HACD2: variants seen among roughly 807,000 people sequenced by gnomAD.
HACD2 encodes the protein very-long-chain (3R)-3-hydroxyacyl-CoA dehydratase 2.
In HACD2, 15 loss-of-function variants were observed where a neutral mutation model predicts 31.0. That is an observed-to-expected ratio of 0.48 (90% CI 0.32 to 0.75). The LOEUF (loss-of-function observed/expected upper bound fraction) is 0.75, where lower values mean the gene tolerates loss of function less well. Among genes scored for constraint, HACD2 ranks in the 30% least tolerant of loss-of-function variants. The pLI is 0.03. For missense variants in HACD2, 283 were observed against 313.0 expected, an observed-to-expected ratio of 0.90 and a Z score of 0.72; for synonymous variants, 115 against 122.2, an observed-to-expected ratio of 0.94 and a Z score of 0.39.
At chr3:123,513,453 G>A (rs1363164137) in intron 4 of HACD2, among the ~76,000 whole-genome samples, 2 of 152,188 alleles carry the variant, frequency 1.3e-5, no homozygotes, top group Non-Finnish European at 2.9e-5. Flanking sequence ...CACCAGGAGT[G>A]GGAAGGGTAG....
intron 3 of HACD2, among the ~76,000 whole-genome samples, chr3:123,552,552 C>T (rs1297671369): frequency 1.3e-5 from 2 of 152,148 alleles, no homozygotes; most frequent in East Asian, 3.8e-4. Context: ...TACAACTATA[C>T]AAAACCATTT....
rs1300100226 is a variant in HACD2 at position 123,502,553 on chromosome 3, T to G, written c.503+7A>C. ...AAAAGTGAGCCTTTTGAAATGTGCT[T>G]TTTTACCTGGCCCATTTGATGAGGT... On this transcript the variant is annotated splice_region_variant and intron_variant, in intron 5 of 6. Coordinates refer to ENST00000383657, the MANE Select transcript of HACD2 (RefSeq NM_198402.5). 6.2e-7 allele frequency: 1 copy of G among 1,610,734 alleles called. No homozygotes were observed. Among genetic ancestry groups the G allele is most frequent in the Non-Finnish European group, 8.5e-7 (1 of 1,178,288 alleles).
intron 4 of HACD2, among the ~76,000 whole-genome samples, chr3:123,517,246 C>T (rs1239618651): frequency 1.3e-5 from 2 of 152,180 alleles, no homozygotes; most frequent in Non-Finnish European, 2.9e-5. Flanking sequence ...AAAGATGCCA[C>T]CTCTCCCTCT....
intron 3 of HACD2, among the ~76,000 whole-genome samples, chr3:123,535,031 A>G (rs1425894909): frequency 6.6e-6 from 1 of 152,182 alleles, no homozygotes; most frequent in Non-Finnish European, 1.5e-5. Context: ...GCAGAAAGAA[A>G]AATATATTTT....
intron 3 of HACD2, among the ~76,000 whole-genome samples, chr3:123,542,209 G>A (rs2056502043): frequency 6.9e-6 from 1 of 144,510 alleles, no homozygotes; most frequent in South Asian, 2.2e-4. Flanking sequence ...AAATCAAGAT[G>A]CTAATAGGCA....
At chr3:123,542,153 A>AAAAAAAAAAAAAAAAAAAAAAAC (rs2056500145) in intron 3 of HACD2, among the ~76,000 whole-genome samples, 1 of 147,608 alleles carries the variant, frequency 6.8e-6, no homozygotes, top group Non-Finnish European at 1.5e-5. Context: ...TCTCAAAAAA[A>AAAAAAAAAAAAAAAAAAAAAAAC]AAAAAAAAAA....
intron 4 of HACD2, among the ~76,000 whole-genome samples, chr3:123,508,947 T>A (rs890285875): frequency 6.6e-6 from 1 of 152,160 alleles, no homozygotes; most frequent in Non-Finnish European, 1.5e-5. Context: ...TCTTTTTTCA[T>A]AAGGGTGCTA....
chr3:123,536,118 A>G (rs1239321904), intron 3 of HACD2, among the ~76,000 whole-genome samples: 1 of 152,218 alleles, frequency 6.6e-6, no homozygotes, highest in East Asian at 1.9e-4. Context: ...TTCTTCCCTT[A>G]AAATTTATCC....
At chr3:123,570,567 A>G (rs2056843056) in intron 2 of HACD2, among the ~76,000 whole-genome samples, 1 of 152,226 alleles carries the variant, frequency 6.6e-6, no homozygotes, top group Non-Finnish European at 1.5e-5. Context: ...GAAGGAGTAC[A>G]TTACTATTTC....
intron 2 of HACD2, among the ~76,000 whole-genome samples, chr3:123,573,327 T>C (rs923726390): frequency 1.3e-5 from 2 of 152,222 alleles, no homozygotes; most frequent in African/African-American, 4.8e-5. Context: ...TACTTATTAC[T>C]GGGGGAAAAC....
At chr3:123,497,920 T>G (rs1335595712) in intron 6 of HACD2, among the ~76,000 whole-genome samples, 1 of 152,226 alleles carries the variant, frequency 6.6e-6, no homozygotes, top group Non-Finnish European at 1.5e-5. Context: ...AACGCTACCT[T>G]GTTTAGAAAG....
chr3:123,571,364 G>C (rs1011307758), intron 2 of HACD2, among the ~76,000 whole-genome samples: 1 of 152,164 alleles, frequency 6.6e-6, no homozygotes. Flanking sequence ...CAATTGATTT[G>C]AAGATACAGA....
At position 123,492,314 on chromosome 3, in the gene HACD2, C is replaced by T. The variant is rs1470113106; in HGVS notation, c.*2574G>A. The T allele has an allele frequency of 1.3e-5, 2 of 152,104 alleles. No individual in the cohort carries two copies. Among genetic ancestry groups the T allele is most frequent in the African/African-American group, 2.4e-5 (1 of 41,408 alleles). The allele number at this position is 152,104 out of a possible 1,614,324, so 9.4% of individuals were successfully genotyped here. On this transcript the variant is annotated 3_prime_UTR_variant, in exon 7 of 7. Transcript: ENST00000383657. ...GGGAGGATGATGCCTTTGACTATGC[C>T]CTGAAATGAAACCTCTAAGTCTGAC...
At chr3:123,536,018 G>A (rs965905029) in intron 3 of HACD2, among the ~76,000 whole-genome samples, 5 of 152,050 alleles carry the variant, frequency 3.3e-5, no homozygotes, top group Non-Finnish European at 7.4e-5. Context: ...AAATATGTAG[G>A]TGAATGTATA....
chr3:123,554,221 T>A (rs892036577), intron 3 of HACD2, among the ~76,000 whole-genome samples: 1 of 20,464 alleles, frequency 4.9e-5, no homozygotes, highest in South Asian at 1.7e-3. Flanking sequence ...GAAAGTAGAA[T>A]AAGCTCACTG....
intron 3 of HACD2, among the ~76,000 whole-genome samples, chr3:123,534,148 A>C (rs1253703244): frequency 6.6e-6 from 1 of 152,112 alleles, no homozygotes; most frequent in Admixed American, 6.6e-5. Context: ...AGCCCTGCAA[A>C]GCTGAGCAGC....
Position 123,500,596 on chromosome 3 carries a change from A to T in HACD2, c.601T>A (p.Ser201Thr). The T allele has an allele frequency of 1.9e-6, 3 of 1,612,724 alleles. No individual in the cohort carries two copies. The highest frequency in any genetic ancestry group is 2.5e-6 in the Non-Finnish European group (3 of 1,178,758). Reference protein sequence around the residue: ...LPFVRQAGLYSISLPNKYNFS... With the variant: ...LPFVRQAGLYTISLPNKYNFS... ...TTGTATTTGTTGGGTAAACTGATGG[A>T]ATATAGGCCAGCTTGTCTGACAAAG... The change falls in exon 6 of 7, where the codon TCC becomes ACC. Residue 201 changes from serine to threonine, a missense_variant. Ser to Thr is a moderately conservative substitution (Grantham distance 58). Transcript: ENST00000383657.
chr3:123,539,152 T>C (rs1442862859), intron 3 of HACD2, among the ~76,000 whole-genome samples: 1 of 152,130 alleles, frequency 6.6e-6, no homozygotes, highest in African/African-American at 2.4e-5. Flanking sequence ...GACCCAAAGG[T>C]GTCTCATTTA....
intron 4 of HACD2, among the ~76,000 whole-genome samples, chr3:123,504,357 C>T (rs140095082): frequency 4.3e-4 from 65 of 152,186 alleles, no homozygotes; most frequent in African/African-American, 1.3e-3. Context: ...AAGCAGGGAA[C>T]GTGTTTATTC....
Sources: allele counts gnomAD v4.1 joint callset (sites outside exome capture counted in the v4.1 genomes callset), GRCh38; gene constraint gnomAD v4.1.1; transcripts MANE v1.5; gene names NCBI Gene and HGNC (gene_info 2026-07-23, HGNC 2026-07-21).